Variants in C2orf80 observed in about 807,000 individuals in gnomAD.
C2orf80 encodes the protein uncharacterized protein C2orf80.
Under a neutral mutation model 30.2 loss-of-function variants are expected in C2orf80, and 28 were observed. The ratio of observed to expected loss-of-function variants is 0.93; its 90% CI spans 0.69 to 1.27. The LOEUF (loss-of-function observed/expected upper bound fraction) is 1.27, where lower values mean the gene tolerates loss of function less well. Among genes scored for constraint, C2orf80 ranks in the 50% most tolerant of loss-of-function variants. C2orf80 has a pLI of 0.00. For missense variants in C2orf80, 220 were observed against 231.0 expected (o/e 0.95, Z 0.31); for synonymous variants, 80 against 76.4 (o/e 1.05, Z -0.24).
At chr2:208,170,819 G>A (rs756768275) in intron 8 of C2orf80, 126 bp downstream of exon 8, 2 of 724,380 alleles carry the variant, frequency 2.8e-6, no homozygotes, top group Admixed American at 2.2e-5. Context: ...TAGCTGGTAA[G>A]CAGTCGGCTC....
Position 208,172,071 on chromosome 2 carries a change from G to A in C2orf80, c.371C>T (p.Pro124Leu), listed in dbSNP as rs148460497. 4 of 1,612,384 alleles carry A rather than the reference G, an allele frequency of 2.5e-6. No homozygotes were observed. The highest frequency in any genetic ancestry group is 2.7e-5 in the African/African-American group (2 of 74,854). ...SSADSGTIKV[P>L]RVSSLCLSLH... ...GGAGAGGCAGAGAGATGAAACTCGG[G>A]GAACCTGAAAGGAAAACAGTCCTAC... Residue 124 changes from proline (P) to leucine (L), a missense_variant, in exon 7 of 9, where the codon CCC (proline) becomes CTC (leucine). Transcript: ENST00000341287.
At chr2:208,173,772 C>T (rs1055160294) in intron 6 of C2orf80, among the ~76,000 whole-genome samples, 4 of 151,862 alleles carry the variant, frequency 2.6e-5, no homozygotes, top group Non-Finnish European at 2.9e-5. Flanking sequence ...TAACCTAGGG[C>T]GAAAGGAAGG....
intron 6 of C2orf80, among the ~76,000 whole-genome samples, chr2:208,172,655 A>G (rs565802654): frequency 1.7e-4 from 26 of 152,362 alleles, no homozygotes; most frequent in Non-Finnish European, 2.5e-4. Flanking sequence ...AAAAGCCAGT[A>G]TAGATAACCT....
chr2:208,176,207 C>T (rs527722336), intron 6 of C2orf80, among the ~76,000 whole-genome samples: 1 of 152,070 alleles, frequency 6.6e-6, no homozygotes, highest in Admixed American at 6.5e-5. Flanking sequence ...ACGGAGTCTC[C>T]CTCTGTTGCC....
At chr2:208,175,142 C>G (rs775534381) in intron 6 of C2orf80, among the ~76,000 whole-genome samples, 2 of 149,902 alleles carry the variant, frequency 1.3e-5, no homozygotes, top group Admixed American at 1.4e-4. Context: ...AAAAAGTAGC[C>G]GTGCGCAGTG....
Position 208,172,419 on chromosome 2 carries a change from C to T in C2orf80, c.367-344G>A, listed in dbSNP as rs146519376. On this transcript the variant is annotated intron_variant, in intron 6 of 8. Transcript: ENST00000341287. ...CATGTAGCTCAAATATGACCCCTTCCGAGAAATGTATCCTGATGTCCTCCC... is the reference window on the plus strand; with the variant it reads ...CATGTAGCTCAAATATGACCCCTTCTGAGAAATGTATCCTGATGTCCTCCC... Among the ~76,000 whole-genome samples, 11 of 152,256 alleles carry T rather than the reference C, an allele frequency of 7.2e-5. No homozygotes were observed. In the East Asian group the frequency reaches 7.7e-4, roughly 11 times the overall value.
Position 208,176,939 on chromosome 2 carries a change from ATCTG to A in C2orf80, c.366+3802_366+3805del, listed in dbSNP as rs1478437277. On this transcript the variant is annotated intron_variant, in intron 6 of 8. Coordinates refer to ENST00000341287, the MANE Select transcript of C2orf80 (RefSeq NM_001099334.3). The stretch of plus-strand genomic sequence containing the variant: ...CATATCTGTATACATATGTATACAT[ATCTG>A]TATACATATCTGTATACATATGTAT... 1.1e-4 allele frequency among the ~76,000 whole-genome samples: 5 copies of A among 45,846 alleles called. 1 individual carries two copies. Among genetic ancestry groups the A allele is most frequent in the African/African-American group, 4.6e-4 (5 of 10,868 alleles). 30.1% of individuals were successfully genotyped at this position (45,846 alleles called of 152,430 possible).
intron 6 of C2orf80, among the ~76,000 whole-genome samples, chr2:208,177,923 T>C (rs984137131): frequency 6.6e-6 from 1 of 151,922 alleles, no homozygotes; most frequent in Non-Finnish European, 1.5e-5. Flanking sequence ...CCTCCCAGGA[T>C]ATCCTGCCTC....
At chr2:208,178,910 A>C (rs1696459239) in intron 6 of C2orf80, among the ~76,000 whole-genome samples, 1 of 152,058 alleles carries the variant, frequency 6.6e-6, no homozygotes, top group African/African-American at 2.4e-5. Context: ...GGCGACCGCC[A>C]CCACACCTGG....
chr2:208,184,919 A>G (rs773169908), intron 3 of C2orf80, 32 bp downstream of exon 3: 2 of 1,556,030 alleles, frequency 1.3e-6, no homozygotes, highest in East Asian at 4.5e-5. Context: ...ATATAACACA[A>G]ATATGACTCG....
chr2:208,185,098 T>TC, intron 2 of C2orf80, 66 bp from the exon 3 acceptor site: 1 of 1,206,208 alleles, frequency 8.3e-7, no homozygotes, highest in Non-Finnish European at 1.2e-6. Context: ...GAAAAAGGCT[T>TC]TTTTTTTTCC....
intron 6 of C2orf80, among the ~76,000 whole-genome samples, chr2:208,177,153 T>C (rs1696381484): frequency 6.8e-6 from 1 of 147,222 alleles, no homozygotes; most frequent in African/African-American, 2.5e-5. Context: ...ATATTATATA[T>C]AGTGTGTGCA....
Position 208,181,213 on chromosome 2 carries a change from C to G in C2orf80, c.294+5G>C. 1.3e-6 allele frequency: 2 copies of G among 1,571,368 alleles called. No homozygotes were observed. The highest frequency in any genetic ancestry group is 1.1e-5 in the South Asian group (1 of 90,140). On this transcript the variant is annotated splice_donor_5th_base_variant and intron_variant, in intron 5 of 8. Transcript: ENST00000341287. ...CATATAGGCAGATAGTATTCTTTTC[C>G]TTACCATTAAGATTCCAGCATAAGA...
chr2:208,188,478 G>A (rs566342992), intron 1 of C2orf80, among the ~76,000 whole-genome samples: 70 of 149,474 alleles, frequency 4.7e-4, no homozygotes, highest in African/African-American at 1.2e-3. Flanking sequence ...ACGGAGTCTC[G>A]GTCTGTCACC....
At chr2:208,179,588 T>C (rs75211172) in intron 6 of C2orf80, among the ~76,000 whole-genome samples, 6,653 of 152,110 alleles carry the variant, frequency 0.044, 470 homozygotes, top group African/African-American at 0.15. Flanking sequence ...TATCCAAAGG[T>C]GAAGGGATCA....
intron 8 of C2orf80, among the ~76,000 whole-genome samples, chr2:208,170,515 T>C (rs1281381121): frequency 6.6e-6 from 1 of 152,180 alleles, no homozygotes; most frequent in African/African-American, 2.4e-5. Context: ...GGATCAAGGA[T>C]AGAAACATTT....
intron 6 of C2orf80, among the ~76,000 whole-genome samples, chr2:208,175,218 G>T (rs868544756): frequency 1.2e-4 from 18 of 151,148 alleles, no homozygotes; most frequent in Middle Eastern, 3.4e-3. Flanking sequence ...CCCCGGGGGG[G>T]GGGGGGGCGG....
intron 1 of C2orf80, among the ~76,000 whole-genome samples, chr2:208,187,663 A>T (rs935366): frequency 0.99 from 150,641 of 152,276 alleles, 74,529 homozygotes; most frequent in East Asian, 1. Context: ...AATGGGGTAC[A>T]CAGGGAGAGG....
chr2:208,184,510 G>C (rs1574374628), intron 3 of C2orf80, among the ~76,000 whole-genome samples: 1 of 152,152 alleles, frequency 6.6e-6, no homozygotes, highest in Non-Finnish European at 1.5e-5. Context: ...CTCAATTTCT[G>C]TGACGTGAAC....
Sources: allele counts gnomAD v4.1 joint callset (sites outside exome capture counted in the v4.1 genomes callset), GRCh38; gene constraint gnomAD v4.1.1; transcripts MANE v1.5; gene names NCBI Gene and HGNC (gene_info 2026-07-23, HGNC 2026-07-21).